LMBR1: variants seen among roughly 807,000 people sequenced by gnomAD.
LMBR1 encodes the protein limb region 1 protein homolog.
LMBR1 carries 52 observed loss-of-function variants against 73.9 expected under a neutral mutation model. The ratio of observed to expected loss-of-function variants is 0.70; its 90% CI spans 0.56 to 0.89. The LOEUF is 0.89. Among genes scored for constraint, LMBR1 ranks in the 40% least tolerant of loss-of-function variants. LMBR1 has a pLI of 0.00. For missense variants in LMBR1, 539 were observed against 579.8 expected, an observed-to-expected ratio of 0.93 and a Z score of 0.72; for synonymous variants, 215 against 209.4, an observed-to-expected ratio of 1.03 and a Z score of -0.23.
At chr7:156,732,537 C>T (rs1246068002) in intron 10 of LMBR1, among the ~76,000 whole-genome samples, 6 of 152,250 alleles carry the variant, frequency 3.9e-5, no homozygotes, top group South Asian at 2.1e-4. Context: ...TCAAGTATAT[C>T]GGCTCAGGCA....
At chr7:156,886,560 A>G (rs1294633810) in intron 1 of LMBR1, among the ~76,000 whole-genome samples, 2 of 152,226 alleles carry the variant, frequency 1.3e-5, no homozygotes, top group African/African-American at 4.8e-5. Context: ...ATCAGGAGAA[A>G]GTTACTGAAA....
intron 5 of LMBR1, among the ~76,000 whole-genome samples, chr7:156,786,597 AATG>A (rs1206943272): frequency 1.3e-5 from 2 of 152,228 alleles, no homozygotes; most frequent in African/African-American, 2.4e-5. Context: ...ACTTTGAAGG[AATG>A]ATAACACTTG....
At chr7:156,778,594 G>A (rs957246982) in intron 5 of LMBR1, among the ~76,000 whole-genome samples, 2 of 152,218 alleles carry the variant, frequency 1.3e-5, no homozygotes, top group Admixed American at 6.5e-5. Context: ...GAGCTAGAGA[G>A]AAGAGAGATG....
intron 5 of LMBR1, among the ~76,000 whole-genome samples, chr7:156,781,322 CAG>C (rs1465476007): frequency 6.6e-6 from 1 of 152,082 alleles, no homozygotes; most frequent in African/African-American, 2.4e-5. Flanking sequence ...TCCTTTATGA[CAG>C]TGAACAAAAT....
At chr7:156,672,979 T>C (rs1299123777), downstream of LMBR1, among the ~76,000 whole-genome samples, 2 of 152,254 alleles carry the variant, frequency 1.3e-5, no homozygotes, top group East Asian at 1.9e-4. Flanking sequence ...CCCCGCGGAC[T>C]GTGGCCTCGG....
intron 1 of LMBR1, among the ~76,000 whole-genome samples, chr7:156,867,475 A>G (rs1798627011): frequency 6.6e-6 from 1 of 152,238 alleles, no homozygotes; most frequent in South Asian, 2.1e-4. Flanking sequence ...TCACAGCAGC[A>G]TTTTCATAAA....
chr7:156,756,545 A>G (rs1442511081), intron 8 of LMBR1, 80 bp from the exon 9 acceptor site: 1 of 728,844 alleles, frequency 1.4e-6, no homozygotes, highest in African/African-American at 1.8e-5. Context: ...TATTTGGTCA[A>G]TTTATTTTAG....
At chr7:156,878,992 A>G (rs1345409306) in intron 1 of LMBR1, among the ~76,000 whole-genome samples, 2 of 152,256 alleles carry the variant, frequency 1.3e-5, no homozygotes, top group Non-Finnish European at 2.9e-5. Context: ...GGCAAGCCAC[A>G]TGTAGGAGAA....
chr7:156,793,700 T>G (rs1271372471), intron 5 of LMBR1, among the ~76,000 whole-genome samples: 1 of 152,218 alleles, frequency 6.6e-6, no homozygotes. Context: ...AGTGATATTT[T>G]ATAGAATACT....
At chr7:156,674,869 G>A (rs1803458577), downstream of LMBR1, among the ~76,000 whole-genome samples, 1 of 152,188 alleles carries the variant, frequency 6.6e-6, no homozygotes, top group Non-Finnish European at 1.5e-5. Context: ...GGACAGAGCT[G>A]ATCCTGCGAA....
intron 15 of LMBR1, among the ~76,000 whole-genome samples, chr7:156,720,964 A>T (rs1383516866): frequency 6.6e-6 from 1 of 152,064 alleles, no homozygotes; most frequent in Non-Finnish European, 1.5e-5. Context: ...TCTCCAAAAA[A>T]GACCCGTTAT....
At chr7:156,873,185 G>A (rs971248628) in intron 1 of LMBR1, among the ~76,000 whole-genome samples, 6 of 152,086 alleles carry the variant, frequency 3.9e-5, no homozygotes, top group African/African-American at 1.2e-4. Context: ...ATGTTCAGAT[G>A]TGTTCAGAGT....
At chr7:156,744,310 T>A (rs1819452439) in intron 9 of LMBR1, among the ~76,000 whole-genome samples, 1 of 151,940 alleles carries the variant, frequency 6.6e-6, no homozygotes, top group African/African-American at 2.4e-5. Flanking sequence ...CTCTTCTTTG[T>A]CTGGAATTTT....
chr7:156,844,594 A>G (rs183806653), intron 1 of LMBR1, among the ~76,000 whole-genome samples: 1 of 150,786 alleles, frequency 6.6e-6, no homozygotes, highest in African/African-American at 2.4e-5. Flanking sequence ...TCTCATCACT[A>G]AAAGTGAAGT....
intron 15 of LMBR1, among the ~76,000 whole-genome samples, chr7:156,695,665 C>G (rs1199451672): frequency 6.6e-6 from 1 of 152,144 alleles, no homozygotes; most frequent in African/African-American, 2.4e-5. Context: ...AGTCACCTCC[C>G]ACCAGACCCC....
chr7:156,688,290 T>C (rs1806391333), intron 15 of LMBR1, 99 bp from the exon 16 acceptor site: 1 of 799,610 alleles, frequency 1.3e-6, no homozygotes, highest in Non-Finnish European at 1.9e-6. Flanking sequence ...CTATGGACTT[T>C]CTCACTTCTG....
At chr7:156,854,576 G>A (rs886986885) in intron 1 of LMBR1, among the ~76,000 whole-genome samples, 3 of 152,178 alleles carry the variant, frequency 2.0e-5, no homozygotes, top group Non-Finnish European at 4.4e-5. Context: ...TGTACCCACA[G>A]CTTAACCTAT....
chr7:156,870,327 T>C (rs552186631), intron 1 of LMBR1, among the ~76,000 whole-genome samples: 13 of 152,322 alleles, frequency 8.5e-5, no homozygotes, highest in African/African-American at 3.1e-4. Flanking sequence ...AAACAAGCCT[T>C]AGCAAATTTA....
chr7:156,675,271 G>A (rs886971284), downstream of LMBR1, among the ~76,000 whole-genome samples: 4 of 152,224 alleles, frequency 2.6e-5, no homozygotes, highest in Non-Finnish European at 4.4e-5. Context: ...TGGGAACCAC[G>A]GCAAGGCCTG....
Sources: gnomAD v4.1 joint callset for allele counts (sites outside exome capture counted in the v4.1 genomes callset) on GRCh38, gnomAD v4.1.1 for gene constraint, MANE v1.5 for transcripts, NCBI Gene and HGNC (gene_info 2026-07-23, HGNC 2026-07-21) for gene names.